The following WDR17 variants were observed in gnomAD, a reference collection of about 807,000 sequenced individuals.
WDR17 encodes WD repeat domain 17, also known as WD repeat-containing protein 17.
In WDR17, 143 loss-of-function variants were observed where a neutral mutation model predicts 161.7. The observed-to-expected ratio is 0.88, with a 90% CI of 0.77 to 1.02. The LOEUF (loss-of-function observed/expected upper bound fraction) is 1.02. Ranked by LOEUF, WDR17 falls within the 50% of genes least tolerant of loss-of-function variation. The pLI is 0.00. For synonymous variants in WDR17, 517 were observed against 515.6 expected, an observed-to-expected ratio of 1.00 and a Z score of -0.04; for missense variants, 1,469 against 1,520.9, an observed-to-expected ratio of 0.97 and a Z score of 0.57.
chr4:176,151,752 G>T (rs1747151149), intron 16 of WDR17, 60 bp from the exon 17 acceptor site: 2 of 1,400,840 alleles, frequency 1.4e-6, no homozygotes, highest in African/African-American at 1.5e-5. Flanking sequence ...AAATTATTGT[G>T]ACACATACAA....
chr4:176,125,670 T>C (rs1002645948), intron 5 of WDR17, among the ~76,000 whole-genome samples: 1 of 152,164 alleles, frequency 6.6e-6, no homozygotes, highest in Admixed American at 6.5e-5. Context: ...ATTTCAGGCA[T>C]AGTAGGATGA....
rs767305934 is a variant in WDR17 at position 176,128,842 on chromosome 4, TCTC to T, written c.900_902del (p.Pro301del). The T allele has an allele frequency of 1.1e-5, 17 of 1,573,628 alleles. No homozygotes were observed. Among genetic ancestry groups the T allele is most frequent in the South Asian group, 9.6e-5 (8 of 83,186 alleles). On this transcript the variant is annotated inframe_deletion, in exon 6 of 29. Transcript: ENST00000508596. The stretch of plus-strand genomic sequence containing the variant: ...ATTTCACTGCTTACATGTACTTAAT[TCTC>T]CTCCAAGAAAAAAGTGTAAGTAAAA...
chr4:176,166,203 T>A (rs571934564), intron 22 of WDR17: 41 of 550,256 alleles, frequency 7.5e-5, no homozygotes, highest in South Asian at 2.6e-4. Flanking sequence ...TCCTTTATTT[T>A]ATTATTTGAA....
chr4:176,149,752 T>TA, intron 13 of WDR17, 55 bp from the exon 14 acceptor site: 1 of 1,592,128 alleles, frequency 6.3e-7, no homozygotes, highest in Non-Finnish European at 8.5e-7. Flanking sequence ...CACATATAAA[T>TA]AAAAAATATT....
intron 1 of WDR17, among the ~76,000 whole-genome samples, chr4:176,078,467 T>C (rs1252859945): frequency 6.6e-6 from 1 of 152,012 alleles, no homozygotes. Flanking sequence ...AAATCTTCAT[T>C]ATGGTGTTTA....
intron 1 of WDR17, among the ~76,000 whole-genome samples, chr4:176,091,150 C>G (rs1245223960): frequency 6.6e-6 from 1 of 152,154 alleles, no homozygotes; most frequent in African/African-American, 2.4e-5. Context: ...CCTCAGCAAC[C>G]TAATAGATAT....
intron 1 of WDR17, among the ~76,000 whole-genome samples, chr4:176,095,767 G>A (rs1736761836): frequency 6.6e-6 from 1 of 151,896 alleles, no homozygotes; most frequent in Non-Finnish European, 1.5e-5. Flanking sequence ...AGATCGCTTA[G>A]AACCTGTTGT....
chr4:176,072,560 T>C (rs1453886467), intron 1 of WDR17, among the ~76,000 whole-genome samples: 3 of 152,224 alleles, frequency 2.0e-5, no homozygotes, highest in Non-Finnish European at 4.4e-5. Flanking sequence ...ATGAGAATAA[T>C]GCTCATTTAG....
At chr4:176,083,003 A>C (rs1734951462) in intron 1 of WDR17, among the ~76,000 whole-genome samples, 1 of 152,132 alleles carries the variant, frequency 6.6e-6, no homozygotes, top group South Asian at 2.1e-4. Flanking sequence ...ATTTCTTAGA[A>C]ATAAAGAGTA....
At chr4:176,106,684 T>C (rs939242612) in intron 1 of WDR17, among the ~76,000 whole-genome samples, 1 of 152,242 alleles carries the variant, frequency 6.6e-6, no homozygotes, top group African/African-American at 2.4e-5. Flanking sequence ...CCAGGCATGG[T>C]GGCTCACATC....
At chr4:176,171,204 G>T (rs1486930829) in intron 23 of WDR17, among the ~76,000 whole-genome samples, 3 of 152,166 alleles carry the variant, frequency 2.0e-5, no homozygotes, top group East Asian at 3.9e-4. Context: ...TCACATATGA[G>T]GTACTTATAT....
At chr4:176,107,429 C>T (rs538635186) in intron 1 of WDR17, among the ~76,000 whole-genome samples, 1 of 148,030 alleles carries the variant, frequency 6.8e-6, no homozygotes, top group African/African-American at 2.5e-5. Context: ...CCCACTTCTG[C>T]ATATAAACCC....
In WDR17 at chr4:176,125,271, A is replaced by G. The variant is rs774685109; in HGVS notation, c.706A>G (p.Thr236Ala). Residue 236 changes from threonine to alanine, a missense_variant, in exon 5 of 29, where the codon ACA becomes GCA. Thr to Ala is a moderately conservative substitution (Grantham distance 58). Coordinates refer to ENST00000508596, the MANE Select transcript of WDR17 (RefSeq NM_181265.4). ...AGATTCTGAATCACTTTCTTGCATA[A>G]CAACATTTAATCTTCCCAGTGCAGC... The part of the protein sequence containing the change: ...LVDSESLSCI[T>A]TFNLPSAAAS... 5 of 1,614,136 alleles carry G rather than the reference A, an allele frequency of 3.1e-6. No homozygotes were observed. Among genetic ancestry groups the G allele is most frequent in the East Asian group, 2.2e-5 (1 of 44,866 alleles).
At chr4:176,092,377 T>C (rs1461477039) in intron 1 of WDR17, among the ~76,000 whole-genome samples, 1 of 152,156 alleles carries the variant, frequency 6.6e-6, no homozygotes, top group African/African-American at 2.4e-5. Context: ...GAAAAAGCAT[T>C]TAGAAAATTC....
At chr4:176,073,038 T>A (rs1352160568) in intron 1 of WDR17, among the ~76,000 whole-genome samples, 1 of 152,180 alleles carries the variant, frequency 6.6e-6, no homozygotes, top group Non-Finnish European at 1.5e-5. Flanking sequence ...TATTTTGCTT[T>A]CCTTCAAATG....
chr4:176,154,306 C>A (rs113592548), intron 17 of WDR17, among the ~76,000 whole-genome samples: 3,069 of 152,038 alleles, frequency 0.02, 109 homozygotes, highest in African/African-American at 0.071. Context: ...CATGGTGAAA[C>A]CCTGTCTCTA....
intron 10 of WDR17, among the ~76,000 whole-genome samples, 171 bp downstream of exon 10, chr4:176,140,145 A>G (rs886080024): frequency 1.3e-5 from 2 of 152,078 alleles, no homozygotes; most frequent in African/African-American, 4.8e-5. Context: ...TGTATCATTA[A>G]TAAATAACAA....
intron 17 of WDR17, among the ~76,000 whole-genome samples, chr4:176,154,829 A>G (rs1747808044): frequency 6.6e-6 from 1 of 152,174 alleles, no homozygotes; most frequent in Non-Finnish European, 1.5e-5. Context: ...TTAAAATAAA[A>G]TTTTGATTCA....
At chr4:176,092,086 A>G (rs1382649849) in intron 1 of WDR17, among the ~76,000 whole-genome samples, 1 of 152,182 alleles carries the variant, frequency 6.6e-6, no homozygotes, top group African/African-American at 2.4e-5. Flanking sequence ...AATACTTCCA[A>G]ACCCATTCTT....
Sources: allele counts gnomAD v4.1 joint callset (sites outside exome capture counted in the v4.1 genomes callset), GRCh38; gene constraint gnomAD v4.1.1; transcripts MANE v1.5; gene names NCBI Gene and HGNC (gene_info 2026-07-23, HGNC 2026-07-21).